Variants in SON observed in about 807,000 individuals in gnomAD.
The protein encoded by SON is protein SON.
A neutral mutation model predicts 173.3 loss-of-function variants in SON; 4 were observed. That is an observed-to-expected ratio of 0.02 (90% CI 0.01 to 0.05). The LOEUF is 0.05. Ranked by LOEUF, SON falls within the 10% of genes least tolerant of loss-of-function variation. The pLI is 1.00. For missense variants in SON, 2,626 were observed against 3,055.3 expected (o/e 0.86, Z 3.31); for synonymous variants, 1,190 against 1,105.9 (o/e 1.08, Z -1.51).
At chr21:33,564,226 T>C (rs2086121757) in intron 6 of SON, among the ~76,000 whole-genome samples, 1 of 152,180 alleles carries the variant, frequency 6.6e-6, no homozygotes, top group South Asian at 2.1e-4. Context: ...AAAGCTCTAT[T>C]GTCCAATACA....
intron 8 of SON, 74 bp from the exon 9 acceptor site, chr21:33,573,234 G>C: frequency 7.9e-7 from 1 of 1,258,694 alleles, no homozygotes; most frequent in South Asian, 1.3e-5. Context: ...CCTCTTTTTA[G>C]AAAGTAAACA....
At chr21:33,574,837 AG>A (rs1380721793) in intron 9 of SON, among the ~76,000 whole-genome samples, 1 of 152,186 alleles carries the variant, frequency 6.6e-6, no homozygotes, top group Non-Finnish European at 1.5e-5. Context: ...TTATGTAGAA[AG>A]GTTATGTTCA....
chr21:33,543,241 C>A, intron 1 of SON, 72 bp downstream of exon 1: 1 of 1,362,136 alleles, frequency 7.3e-7, no homozygotes, highest in Non-Finnish European at 1.1e-6. Context: ...TGGCACCTTT[C>A]TTCGGAGACG....
chr21:33,550,797 G>T lies in SON; in HGVS notation c.1566G>T (p.Val522=), dbSNP rs1353501844. 1 of 1,614,088 alleles carries T rather than the reference G, an allele frequency of 6.2e-7. No individual in the cohort carries two copies. The highest frequency in any genetic ancestry group is 1.7e-5 in the Admixed American group (1 of 60,008). Residue 522 remains valine, a synonymous_variant, in exon 3 of 12, where the codon GTG becomes GTT. Coordinates refer to ENST00000356577, the MANE Select transcript of SON (RefSeq NM_138927.4). The part of the protein sequence containing the change: ...ELEQPVGMTT[V]EHPGHPEVTT... ...AGCAGCCTGTGGGGATGACAACGGT[G>T]GAACATCCTGGGCATCCTGAGGTGA...
In SON at chr21:33,552,742, T is replaced by C. The variant is rs1325344028; in HGVS notation, c.3511T>C (p.Leu1171=). The change falls in exon 3 of 12, where the codon TTG becomes CTG. Residue 1171 remains leucine, a synonymous_variant. Transcript: ENST00000356577. The surrounding 1 kb of genome is among the most constrained non-coding windows in gnomAD (Gnocchi z 5.6). ...PPEEPPMTPP[L]PPEEPPEGPA... is the part of the protein sequence containing the mutation. ...TGAGGAGCCACCAATGACACCACCA[T>C]TGCCTCCTGAGGAACCACCAGAGGG... The C allele has an allele frequency of 6.2e-7, 1 of 1,613,776 alleles. No individual in the cohort carries two copies. Among genetic ancestry groups the C allele is most frequent in the African/African-American group, 1.3e-5 (1 of 74,884 alleles).
In SON at chr21:33,553,153, A is replaced by G. The variant is rs201901273; in HGVS notation, c.3922A>G (p.Thr1308Ala). ...LASEPPVMSE[T>A]AETFDSMRAS... ...ATCAGAGCCTCCTGTTATGTCAGAG[A>G]CAGCAGAAACATTTGATTCCATGAG... Residue 1308 changes from threonine (T) to alanine (A), a missense_variant, in exon 3 of 12, where the codon ACA becomes GCA. By Grantham distance (58) the Thr-to-Ala change is moderately conservative. Around this residue, in one of 13 missense-constraint regions of SON, gnomAD observed 1,006 missense variants for 895.6 expected, o/e 1.12. Transcript: ENST00000356577. 5 of 1,614,156 alleles carry G rather than the reference A, an allele frequency of 3.1e-6. No individual in the cohort carries two copies. Among genetic ancestry groups the G allele is most frequent in the East Asian group, 2.2e-5 (1 of 44,894 alleles).
chr21:33,549,526 CCTA>C lies in SON; in HGVS notation c.298_300del (p.Thr100del). ...TAGATGCGTATCTGTACAAACAGAT[CCTA>C]CTGATGAAATTCCCACTAAAAAGTC... On this transcript the variant is annotated inframe_deletion, in exon 3 of 12. Coordinates refer to ENST00000356577, the MANE Select transcript of SON (RefSeq NM_138927.4). 6.3e-7 allele frequency: 1 copy of C among 1,575,218 alleles called. No homozygotes were observed. The highest frequency in any genetic ancestry group is 8.6e-7 in the Non-Finnish European group (1 of 1,167,720).
At chr21:33,557,580 T>C in intron 4 of SON, 1 of 1,550,538 alleles carries the variant, frequency 6.4e-7, no homozygotes, top group Non-Finnish European at 8.7e-7. Flanking sequence ...AGTGGGACGG[T>C]TCGTTTGAAT....
chr21:33,569,187 A>G (rs1176349080), intron 8 of SON, 100 bp downstream of exon 8: 3 of 680,162 alleles, frequency 4.4e-6, no homozygotes, highest in East Asian at 2.8e-5. Flanking sequence ...ACTCTAACCA[A>G]AGTTCCAAGT....
Position 33,549,882 on chromosome 21 carries a change from A to G in SON, c.651A>G (p.Val217=). 1.2e-6 allele frequency: 2 copies of G among 1,614,258 alleles called. No individual in the cohort carries two copies. Among genetic ancestry groups the G allele is most frequent in the South Asian group, 1.1e-5 (1 of 91,088 alleles). The part of the protein sequence containing the change: ...PATKTAELSV[V]STSVISEQSE... The stretch of plus-strand genomic sequence containing the variant: ...CAAAAACTGCAGAACTGTCAGTTGT[A>G]TCTACATCAGTAATCTCAGAGCAGT... Residue 217 remains valine, a synonymous_variant, in exon 3 of 12, where the codon GTA becomes GTG. Transcript: ENST00000356577.
intron 8 of SON, among the ~76,000 whole-genome samples, chr21:33,570,552 ATG>A (rs2086262132): frequency 6.6e-6 from 1 of 152,172 alleles, no homozygotes; most frequent in Non-Finnish European, 1.5e-5. Flanking sequence ...AAGGGTGAAA[ATG>A]TATATAGCAA....
rs372024048 is a variant in SON, at chr21:33,550,592, C to G, written c.1361C>G (p.Pro454Arg). The G allele has an allele frequency of 2.8e-5, 45 of 1,613,822 alleles. No homozygotes were observed. In the African/African-American group the frequency reaches 5.9e-4, roughly 21 times the overall value. The change falls in exon 3 of 12, where the codon CCA becomes CGA. Residue 454 changes from proline to arginine, a missense_variant. Physicochemically the swap from Pro to Arg is moderately radical, Grantham distance 103. Transcript: ENST00000356577. ...GTGCCACAGTTGTCGCAGGAATTGCCAGGGCTTCCAGCACCATCCATGGGG... is the reference window on the plus strand; with the variant it reads ...GTGCCACAGTTGTCGCAGGAATTGCGAGGGCTTCCAGCACCATCCATGGGG... ...TPVPQLSQELPGLPAPSMGLE... is the reference protein window; with the variant it reads ...TPVPQLSQELRGLPAPSMGLE...
At chr21:33,566,629 A>T (rs2086177708) in intron 6 of SON, among the ~76,000 whole-genome samples, 1 of 152,180 alleles carries the variant, frequency 6.6e-6, no homozygotes, top group African/African-American at 2.4e-5. Flanking sequence ...TTGGGTTCTT[A>T]AGACCAAAGT....
chr21:33,575,171 G>T (rs1224623406), intron 9 of SON, among the ~76,000 whole-genome samples: 6 of 152,074 alleles, frequency 3.9e-5, no homozygotes, highest in Admixed American at 2.0e-4. Flanking sequence ...GAGTAGCTGG[G>T]ATTACAGGCG....
Position 33,546,209 on chromosome 21 carries a change from C to A in SON, c.78-4C>A. The stretch of plus-strand genomic sequence containing the variant: ...AATGAATTTCGATAACTTTTCATGT[C>A]AAGTGGAAGGAATGAAGGCCAGCTG... On this transcript the variant is annotated splice_region_variant and splice_polypyrimidine_tract_variant and intron_variant, in intron 1 of 11. Transcript: ENST00000356577. 1 of 1,589,496 alleles carries A rather than the reference C, an allele frequency of 6.3e-7. No homozygotes were observed. Among genetic ancestry groups the A allele is most frequent in the East Asian group, 2.2e-5 (1 of 44,624 alleles).
rs1298242656 is a variant in SON, at chr21:33,551,773, A to G, written c.2542A>G (p.Thr848Ala). The G allele has an allele frequency of 3.1e-6, 5 of 1,610,850 alleles. No individual in the cohort carries two copies. The highest frequency in any genetic ancestry group is 3.3e-5 in the Admixed American group (2 of 59,862). Residue 848 changes from threonine to alanine, a missense_variant, in exon 3 of 12, where the codon ACC (threonine) becomes GCC (alanine). Coordinates refer to ENST00000356577, the MANE Select transcript of SON (RefSeq NM_138927.4). ...CACCATGGATTCTCAGATGTTAGCAACCAGCACCATGGACTCCCAGATGTT... is the reference window on the plus strand; with the variant it reads ...CACCATGGATTCTCAGATGTTAGCAGCCAGCACCATGGACTCCCAGATGTT... ...TSTMDSQMLA[T>A]STMDSQMLAT...
In SON at chr21:33,577,180, T is replaced by A. The variant is rs1157500568; in HGVS notation, c.*756T>A. The stretch of plus-strand genomic sequence containing the variant: ...AAAATGAAGTCTGACTAGAATTCTA[T>A]TGCAGAGGCCAGTACATTTAGTATG... On this transcript the variant is annotated 3_prime_UTR_variant, in exon 12 of 12. Coordinates refer to ENST00000356577, the MANE Select transcript of SON (RefSeq NM_138927.4). The A allele has an allele frequency of 3.6e-4, 1 of 2,804 alleles. No individual in the cohort carries two copies. Among genetic ancestry groups the A allele is most frequent in the Non-Finnish European group, 6.2e-4 (1 of 1,614 alleles). The allele number at this position is 2,804 out of a possible 1,614,324, so 0.2% of individuals were successfully genotyped here.
chr21:33,560,742 A>G (rs2086056442), intron 6 of SON: 3 of 409,554 alleles, frequency 7.3e-6, no homozygotes, highest in Non-Finnish European at 9.9e-6. Context: ...TTTAATTACT[A>G]TAGATTAGTT....
intron 1 of SON, among the ~76,000 whole-genome samples, chr21:33,545,782 A>G (rs1029112818): frequency 1.3e-5 from 2 of 152,152 alleles, no homozygotes; most frequent in African/African-American, 4.8e-5. Flanking sequence ...CCTTGATACT[A>G]TTGATGGTGA....
Sources: gnomAD v4.1 joint callset for allele counts (sites outside exome capture counted in the v4.1 genomes callset) on GRCh38, gnomAD v4.1.1 for gene constraint, gnomAD v4.1.1 regional missense constraint, Gnocchi (gnomAD v3.1) non-coding constraint, MANE v1.5 for transcripts, NCBI Gene and HGNC (gene_info 2026-07-23, HGNC 2026-07-21) for gene names.